The following ZFYVE16 variants were observed in gnomAD, a reference collection of about 807,000 sequenced individuals.
ZFYVE16 encodes the protein zinc finger FYVE domain-containing protein 16.
A neutral mutation model predicts 138.1 loss-of-function variants in ZFYVE16; 89 were observed. That is an observed-to-expected ratio of 0.64 (90% CI 0.54 to 0.77). The LOEUF is 0.77. Among genes scored for constraint, ZFYVE16 ranks in the 30% least tolerant of loss-of-function variants. The pLI is 0.00. For missense variants in ZFYVE16, 1,793 were observed against 1,786.7 expected, an observed-to-expected ratio of 1.00 and a Z score of -0.06; for synonymous variants, 596 against 618.3, an observed-to-expected ratio of 0.96 and a Z score of 0.53.
chr5:80,408,791 T>C (rs1392361661), intron 1 of ZFYVE16, among the ~76,000 whole-genome samples: 1 of 152,250 alleles, frequency 6.6e-6, no homozygotes, highest in African/African-American at 2.4e-5. Flanking sequence ...GGATGTTCTT[T>C]CTTATTAGTT....
At chr5:80,475,005 TG>T (rs1029126177) in intron 18 of ZFYVE16, among the ~76,000 whole-genome samples, 175 bp downstream of exon 18, 67 of 152,370 alleles carry the variant, frequency 4.4e-4, no homozygotes, top group African/African-American at 1.5e-3. Context: ...GTCAGCAAAC[TG>T]TTTTTGCAAA....
intron 1 of ZFYVE16, among the ~76,000 whole-genome samples, chr5:80,424,056 C>T (rs1174476265): frequency 1.3e-5 from 2 of 151,788 alleles, no homozygotes; most frequent in East Asian, 3.9e-4. Context: ...AGTGATTCTC[C>T]TGCCTCAGCC....
chr5:80,458,690 G>A (rs899316277), intron 14 of ZFYVE16, among the ~76,000 whole-genome samples: 2 of 152,082 alleles, frequency 1.3e-5, no homozygotes, highest in Admixed American at 6.5e-5. Context: ...TATACATGCC[G>A]TTTTGTACAC....
At chr5:80,432,128 T>G (rs1430444860) in intron 2 of ZFYVE16, among the ~76,000 whole-genome samples, 1 of 152,122 alleles carries the variant, frequency 6.6e-6, no homozygotes, top group East Asian at 1.9e-4. Flanking sequence ...CATTGCCAAG[T>G]CGATCCTAAG....
chr5:80,455,825 C>A lies in ZFYVE16; in HGVS notation c.3690+51C>A, dbSNP rs548896399. ...GTATTTTTATACTGTTACTTTAAAA[C>A]TGTATTTAGCAAAGTTTATACATTT... is the stretch of plus-strand genomic sequence containing the variant. On this transcript the variant is annotated intron_variant, in intron 12 of 18. Transcript: ENST00000505560. The A allele has an allele frequency of 2.8e-6, 4 of 1,430,140 alleles. No homozygotes were observed. The South Asian group carries it at 5.1e-5, about 18-fold the overall frequency. The allele number at this position is 1,430,140 out of a possible 1,614,324, so 88.6% of individuals were successfully genotyped here.
At chr5:80,433,248 T>C (rs1159563610) in intron 2 of ZFYVE16, among the ~76,000 whole-genome samples, 2 of 152,352 alleles carry the variant, frequency 1.3e-5, no homozygotes, top group Non-Finnish European at 1.5e-5. Flanking sequence ...CATGGAATAC[T>C]ATGCAGCCAT....
chr5:80,463,434 A>G lies in ZFYVE16; in HGVS notation c.4024+3940A>G, dbSNP rs117904155. 5.4e-4 allele frequency among the ~76,000 whole-genome samples: 82 copies of G among 151,936 alleles called. 3 individuals are homozygous for G. The East Asian group carries it at 0.016, about 30-fold the overall frequency. ...GTGGGACACTGGGCACCAAGTCCTG[A>G]GACTACACAAGGCAGCAAGACCCTG... On this transcript the variant is annotated intron_variant, in intron 15 of 18. Transcript: ENST00000505560.
intron 2 of ZFYVE16, 42 bp from the exon 3 acceptor site, chr5:80,434,067 T>C (rs1042472978): frequency 7.6e-7 from 1 of 1,323,956 alleles, no homozygotes; most frequent in Non-Finnish European, 1.1e-6. Context: ...TAAAATTTGT[T>C]ATGTAATTAA....
chr5:80,469,394 C>T (rs1477793586), intron 15 of ZFYVE16, among the ~76,000 whole-genome samples: 3 of 151,824 alleles, frequency 2.0e-5, no homozygotes, highest in African/African-American at 7.3e-5. Context: ...GCACATGCCA[C>T]CATGCTTGGC....
intron 11 of ZFYVE16, chr5:80,453,980 C>T (rs1007978979): frequency 6.6e-6 from 1 of 152,124 alleles, no homozygotes; most frequent in Admixed American, 6.6e-5. Flanking sequence ...AACAAAACTA[C>T]CTCTTCATAT....
chr5:80,461,605 T>C (rs1314190421), intron 15 of ZFYVE16, among the ~76,000 whole-genome samples: 1 of 152,194 alleles, frequency 6.6e-6, no homozygotes, highest in Non-Finnish European at 1.5e-5. Context: ...CTGGTAAGGC[T>C]TGTCTCCTTG....
In ZFYVE16 at chr5:80,428,068, G is replaced by A. The variant is rs533298442; in HGVS notation, c.-40+523G>A. On this transcript the variant is annotated intron_variant, in intron 2 of 18. Transcript: ENST00000505560. ...TCCCAGCGTGAGCGACACAGAAGAC[G>A]GGTGATTTCTGCATTTCCAACTGAG... Among the ~76,000 whole-genome samples, 3 of 149,466 alleles carry A rather than the reference G, an allele frequency of 2.0e-5. No individual in the cohort carries two copies. In the South Asian group the frequency reaches 6.4e-4, roughly 32 times the overall value.
rs1392688661 is a variant in ZFYVE16 at position 80,482,307 on chromosome 5, T to C, written c.*4930T>C. On this transcript the variant is annotated 3_prime_UTR_variant, in exon 19 of 19. Coordinates refer to ENST00000505560, the MANE Select transcript of ZFYVE16 (RefSeq NM_001284236.3). ...AATTTACTGGAAGGTCTCAACACAA[T>C]GAAGATGACTGAGGGAAGAGTCAGT... 1 of 152,036 alleles carries C rather than the reference T, an allele frequency of 6.6e-6. No individual in the cohort carries two copies. The highest frequency in any genetic ancestry group is 1.5e-5 in the Non-Finnish European group (1 of 68,000). 9.4% of individuals were successfully genotyped at this position (152,036 alleles called of 1,614,324 possible). A position where few individuals can be genotyped will look rare whatever the true frequency, so the allele number is the denominator to read the frequency against.
intron 5 of ZFYVE16, chr5:80,441,298 A>G (rs1407722907): frequency 9.1e-6 from 9 of 985,352 alleles, no homozygotes; most frequent in Non-Finnish European, 1.1e-5. Context: ...CTAAGGGTCC[A>G]GGAGGGGAGA....
In ZFYVE16 at chr5:80,448,252, T is replaced by C. The variant is rs1190216365; in HGVS notation, c.2951T>C (p.Val984Ala). The C allele has an allele frequency of 6.2e-7, 1 of 1,613,830 alleles. No homozygotes were observed. Among genetic ancestry groups the C allele is most frequent in the Non-Finnish European group, 8.5e-7 (1 of 1,179,896 alleles). ...GAAGAACCATCTAGTCCTACTGGTG[T>C]CTTAGTTAACAGCAATTTACCTATT... ...ETEEPSSPTG[V>A]LVNSNLPIAS... Residue 984 changes from valine (V) to alanine (A), a missense_variant, in exon 8 of 19, where the codon GTC becomes GCC. Around this residue, in one of 2 missense-constraint regions of ZFYVE16, gnomAD observed 1,295 missense variants for 1,204.3 expected, o/e 1.08. Coordinates refer to ENST00000505560, the MANE Select transcript of ZFYVE16 (RefSeq NM_001284236.3).
intron 7 of ZFYVE16, among the ~76,000 whole-genome samples, chr5:80,445,748 TG>T (rs1580257352): frequency 8.9e-6 from 1 of 111,954 alleles, no homozygotes; most frequent in African/African-American, 2.8e-5. Flanking sequence ...TTAAAAAAAA[TG>T]TTTTTTTAAT....
chr5:80,435,154 C>T (rs1749697317), intron 3 of ZFYVE16, among the ~76,000 whole-genome samples: 1 of 152,212 alleles, frequency 6.6e-6, no homozygotes, highest in South Asian at 2.1e-4. Context: ...CCTGCCTCAG[C>T]CTCCCGAGTA....
In ZFYVE16 at chr5:80,438,202, A is replaced by G. The variant is rs1235015005; in HGVS notation, c.1517A>G (p.Asn506Ser). The part of the protein sequence containing the change: ...CEGFINTFSS[N>S]DMDGQDLDYF... ...GGTTTTATTAATACTTTTTCAAGCAATGATATGGATGGGCAAGACTTAGAT... is the reference window on the plus strand; with the variant it reads ...GGTTTTATTAATACTTTTTCAAGCAGTGATATGGATGGGCAAGACTTAGAT... Residue 506 changes from asparagine (N) to serine (S), a missense_variant, in exon 4 of 19, where the codon AAT becomes AGT. By Grantham distance (46) the Asn-to-Ser change is conservative. Transcript: ENST00000505560. The G allele has an allele frequency of 3.7e-6, 6 of 1,613,886 alleles. No homozygotes were observed. The highest frequency in any genetic ancestry group is 2.2e-5 in the East Asian group (1 of 44,862).
intron 5 of ZFYVE16, among the ~76,000 whole-genome samples, chr5:80,442,701 C>T (rs919537695): frequency 1.3e-5 from 2 of 152,102 alleles, no homozygotes; most frequent in African/African-American, 4.8e-5. Flanking sequence ...TCTTGTGAGC[C>T]ATTGTAACAA....
Sources: allele counts gnomAD v4.1 joint callset (sites outside exome capture counted in the v4.1 genomes callset), GRCh38; gene constraint gnomAD v4.1.1; regional missense constraint gnomAD v4.1.1; transcripts MANE v1.5; gene names NCBI Gene and HGNC (gene_info 2026-07-23, HGNC 2026-07-21).